ADCK1: variants seen among roughly 807,000 people sequenced by gnomAD.
ADCK1 encodes aarF domain containing kinase 1, also known as aarF domain-containing protein kinase 1.
A neutral mutation model predicts 52.3 loss-of-function variants in ADCK1; 41 were observed. The ratio of observed to expected loss-of-function variants is 0.78; its 90% confidence interval spans 0.61 to 1.02. The LOEUF (loss-of-function observed/expected upper bound fraction) is 1.02. Among genes scored for constraint, ADCK1 ranks in the 50% least tolerant of loss-of-function variants. The pLI is 0.00. For missense variants in ADCK1, 658 were observed against 679.5 expected (o/e 0.97, Z 0.35); for synonymous variants, 250 against 274.6 (o/e 0.91, Z 0.89).
Position 77,859,166 on chromosome 14 carries a change from G to C in ADCK1, c.310G>C (p.Asp104His). Residue 104 changes from aspartate to histidine, a missense_variant, in exon 4 of 11, where the codon GAC becomes CAC. Asp to His is a moderately conservative substitution (Grantham distance 81, BLOSUM62 -1). Transcript: ENST00000238561. ...GGTGGGCCAGCACCTGGGGGCTCTG[G>C]ACTACCTGTTGCCAGAGGAGTACAC... ...IKVGQHLGALDYLLPEEYTST... is the reference protein window; with the variant it reads ...IKVGQHLGALHYLLPEEYTST... 1 of 1,613,974 alleles carries C rather than the reference G, an allele frequency of 6.2e-7. No individual in the cohort carries two copies. The highest frequency in any genetic ancestry group is 8.5e-7 in the Non-Finnish European group (1 of 1,179,994).
intron 5 of ADCK1, among the ~76,000 whole-genome samples, chr14:77,888,703 A>G (rs979816054): frequency 3.9e-5 from 6 of 152,200 alleles, no homozygotes; most frequent in Non-Finnish European, 7.3e-5. Flanking sequence ...AAGGACTGGT[A>G]TGAATGAGAA....
At chr14:77,887,858 C>G (rs563475474) in intron 5 of ADCK1, among the ~76,000 whole-genome samples, 18 of 152,202 alleles carry the variant, frequency 1.2e-4, no homozygotes, top group African/African-American at 4.3e-4. Context: ...TCACCGCCTA[C>G]GGGGAGGTCA....
At chr14:77,915,062 T>C (rs112366336) in intron 7 of ADCK1, among the ~76,000 whole-genome samples, 7 of 152,356 alleles carry the variant, frequency 4.6e-5, no homozygotes, top group African/African-American at 1.7e-4. Context: ...TCTGGCTGTC[T>C]GGTAGAAGAT....
At chr14:77,863,617 A>G (rs2082598827) in intron 4 of ADCK1, among the ~76,000 whole-genome samples, 5 of 152,152 alleles carry the variant, frequency 3.3e-5, no homozygotes, top group African/African-American at 1.2e-4. Flanking sequence ...TGGGTGGATC[A>G]CTTGAGGTCA....
intron 2 of ADCK1, among the ~76,000 whole-genome samples, chr14:77,820,221 C>T (rs1055314664): frequency 6.6e-6 from 1 of 151,950 alleles, no homozygotes; most frequent in Non-Finnish European, 1.5e-5. Context: ...TTCAGATGCC[C>T]GCTACTATGT....
At chr14:77,910,447 G>A (rs1322351883) in intron 7 of ADCK1, among the ~76,000 whole-genome samples, 1 of 151,986 alleles carries the variant, frequency 6.6e-6, no homozygotes, top group Non-Finnish European at 1.5e-5. Context: ...TGGTTCCAGT[G>A]GCGAAGGGAT....
intron 7 of ADCK1, among the ~76,000 whole-genome samples, chr14:77,915,854 C>A: frequency 6.6e-6 from 1 of 152,208 alleles, no homozygotes; most frequent in Non-Finnish European, 1.5e-5. Flanking sequence ...TGAAGCTACT[C>A]ACCCTTTTGA....
intron 7 of ADCK1, among the ~76,000 whole-genome samples, chr14:77,921,599 C>A (rs1483180423): frequency 6.6e-6 from 1 of 152,134 alleles, no homozygotes; most frequent in African/African-American, 2.4e-5. Flanking sequence ...GGGACTCCCC[C>A]TCCTGTCTCT....
intron 6 of ADCK1, among the ~76,000 whole-genome samples, chr14:77,904,830 T>A (rs1224351294): frequency 6.6e-6 from 1 of 152,008 alleles, no homozygotes; most frequent in East Asian, 1.9e-4. Flanking sequence ...CAGCTTGCTT[T>A]GTTTGGGGGT....
At chr14:77,915,905 A>G (rs1311814191) in intron 7 of ADCK1, among the ~76,000 whole-genome samples, 1 of 152,198 alleles carries the variant, frequency 6.6e-6, no homozygotes, top group Non-Finnish European at 1.5e-5. Context: ...CAAGAGAGTA[A>G]CCCACTGGAT....
chr14:77,933,359 C>G lies in ADCK1; in HGVS notation c.1540C>G (p.Leu514Val), dbSNP rs150193216. 2 of 1,614,124 alleles carry G rather than the reference C, an allele frequency of 1.2e-6. No individual in the cohort carries two copies. Among genetic ancestry groups the G allele is most frequent in the East Asian group, 2.2e-5 (1 of 44,864 alleles). Residue 514 changes from leucine to valine, a missense_variant, in exon 11 of 11, where the codon CTA (leucine) becomes GTA (valine). By Grantham distance (32) the Leu-to-Val change is conservative. Coordinates refer to ENST00000238561, the MANE Select transcript of ADCK1 (RefSeq NM_020421.4). ...GAAGCTGGCTGACCGGGTCTTGGCC[C>G]TAATATGCTGGCTGTTCCCTGCTCC... ...GLKLADRVLALICWLFPAPL is the reference protein window; with the variant it reads ...GLKLADRVLAVICWLFPAPL
chr14:77,833,737 T>G (rs189842039), intron 3 of ADCK1, among the ~76,000 whole-genome samples: 2 of 151,820 alleles, frequency 1.3e-5, no homozygotes, highest in Admixed American at 1.3e-4. Context: ...GTCCTGGGGG[T>G]TAATGTGGGC....
intron 4 of ADCK1, among the ~76,000 whole-genome samples, chr14:77,877,201 T>G (rs1280059628): frequency 6.6e-6 from 1 of 152,166 alleles, no homozygotes; most frequent in Non-Finnish European, 1.5e-5. Flanking sequence ...GGCAACAGGG[T>G]GAGACTCTGT....
At chr14:77,828,662 G>C (rs2081772296) in intron 3 of ADCK1, among the ~76,000 whole-genome samples, 1 of 151,970 alleles carries the variant, frequency 6.6e-6, no homozygotes, top group South Asian at 2.1e-4. Flanking sequence ...AGCCTCCCTG[G>C]GATTACAGGT....
chr14:77,815,277 C>T (rs920013069), intron 1 of ADCK1, among the ~76,000 whole-genome samples: 6 of 148,302 alleles, frequency 4.0e-5, no homozygotes, highest in South Asian at 2.1e-4. Flanking sequence ...GATCATGGCT[C>T]ATTTCAGCCT....
chr14:77,931,556 C>G lies in ADCK1; in HGVS notation c.1245C>G (p.Pro415=), dbSNP rs920624545. Residue 415 remains proline, a synonymous_variant, in exon 10 of 11, where the codon CCC becomes CCG. Coordinates refer to ENST00000238561, the MANE Select transcript of ADCK1 (RefSeq NM_020421.4). ...EIRNNAANYL[P]QISHLLNHVP... is the part of the protein sequence containing the mutation. ...GCAACAACGCGGCCAACTACCTCCC[C>G]CAGATCAGCCATCTCCTCAACCACG... is the stretch of plus-strand genomic sequence containing the variant. 14 of 1,614,106 alleles carry G rather than the reference C, an allele frequency of 8.7e-6. No individual in the cohort carries two copies. Among genetic ancestry groups the G allele is most frequent in the Non-Finnish European group, 8.5e-6 (10 of 1,180,010 alleles).
intron 6 of ADCK1, among the ~76,000 whole-genome samples, chr14:77,899,762 C>T (rs2083490746): frequency 6.6e-6 from 1 of 152,064 alleles, no homozygotes; most frequent in Admixed American, 6.6e-5. Context: ...GAGTTAGGGG[C>T]ACAACACTCA....
chr14:77,920,018 T>A (rs1437921010), intron 7 of ADCK1, among the ~76,000 whole-genome samples: 1 of 152,232 alleles, frequency 6.6e-6, no homozygotes, highest in East Asian at 1.9e-4. Context: ...GAATATTTTC[T>A]CCTACTCTAT....
intron 4 of ADCK1, among the ~76,000 whole-genome samples, chr14:77,875,525 A>T (rs565085972): frequency 6.6e-6 from 1 of 152,130 alleles, no homozygotes; most frequent in Admixed American, 6.5e-5. Context: ...CCCTGATCTA[A>T]TGAGAGCTCT....
Sources: gnomAD v4.1 joint callset for allele counts (sites outside exome capture counted in the v4.1 genomes callset) on GRCh38, gnomAD v4.1.1 for gene constraint, MANE v1.5 for transcripts, NCBI Gene and HGNC (gene_info 2026-07-23, HGNC 2026-07-21) for gene names.